ITGA3: variants seen among roughly 807,000 people sequenced by gnomAD.
ITGA3 encodes integrin alpha-3.
Under a neutral mutation model 131.1 loss-of-function variants are expected in ITGA3, and 70 were observed. The ratio of observed to expected loss-of-function variants is 0.53; its 90% CI spans 0.44 to 0.65. The LOEUF (loss-of-function observed/expected upper bound fraction) is 0.65, where lower values mean the gene tolerates loss of function less well. Ranked by LOEUF, ITGA3 falls within the 30% of genes least tolerant of loss-of-function variation. ITGA3 has a pLI of 0.00. For missense variants in ITGA3, 1,098 were observed against 1,388.6 expected (o/e 0.79, Z 3.33); for synonymous variants, 537 against 571.6 (o/e 0.94, Z 0.86).
rs908756176 is a variant in ITGA3 at position 50,056,179 on chromosome 17, G to A, written c.-261G>A. The A allele has an allele frequency of 1.5e-5, 6 of 406,406 alleles. No individual in the cohort carries two copies. The highest frequency in any genetic ancestry group is 6.3e-5 in the African/African-American group (3 of 47,800). The allele number at this position is 406,406 out of a possible 1,614,324, so 25.2% of individuals were successfully genotyped here. On this transcript the variant is annotated 5_prime_UTR_variant, in exon 1 of 26. Coordinates refer to ENST00000320031, the MANE Select transcript of ITGA3 (RefSeq NM_002204.4). This position sits in a 1 kb window ranked among gnomAD's most constrained non-coding sequence, Gnocchi z 5.6. ...GGGGCGCGGCCGGGACAAGCTGGGG[G>A]CCGGTTGCCCGGGGCAGGGACGGCG... is the stretch of plus-strand genomic sequence containing the variant.
In ITGA3 at chr17:50,072,299, A is replaced by G; in HGVS notation, c.1156+117A>G. On this transcript the variant is annotated intron_variant, in intron 7 of 25. Coordinates refer to ENST00000320031, the MANE Select transcript of ITGA3 (RefSeq NM_002204.4). ...TGACAGGGCCCACAGATGAGACAGG[A>G]TGGGGCCGGACCTGGGGAGCTCGCA... 2.1e-5 allele frequency: 19 copies of G among 915,668 alleles called. No homozygotes were observed. In the South Asian group the frequency reaches 2.8e-4, roughly 14 times the overall value. 56.7% of individuals were successfully genotyped at this position (915,668 alleles called of 1,614,324 possible).
rs1908886320 is a variant in ITGA3, at chr17:50,076,310, C to G, written c.1675-16C>G. The G allele has an allele frequency of 6.2e-7, 1 of 1,611,348 alleles. No homozygotes were observed. The highest frequency in any genetic ancestry group is 8.5e-7 in the Non-Finnish European group (1 of 1,178,672). On this transcript the variant is annotated splice_polypyrimidine_tract_variant and intron_variant, in intron 12 of 25. Coordinates refer to ENST00000320031, the MANE Select transcript of ITGA3 (RefSeq NM_002204.4). The stretch of plus-strand genomic sequence containing the variant: ...GAGCAGTGCAGGGCCGGGCTCAGCT[C>G]ACCCTCTCTCCCCAGGACAACCTCC...
At chr17:50,088,179 C>T (rs771423194) in intron 24 of ITGA3, 46 bp from the exon 25 acceptor site, 25 of 1,536,172 alleles carry the variant, frequency 1.6e-5, no homozygotes, top group Admixed American at 2.0e-5. Context: ...GTGAGGATAG[C>T]CCAGCGCCCC....
In ITGA3 at chr17:50,088,229, G is replaced by A. The variant is rs1909552606; in HGVS notation, c.3050G>A (p.Gly1017Asp). The A allele has an allele frequency of 1.9e-6, 3 of 1,561,300 alleles. No homozygotes were observed. The highest frequency in any genetic ancestry group is 2.6e-6 in the Non-Finnish European group (3 of 1,152,752). The change falls in exon 25 of 26, where the codon GGC becomes GAC. Residue 1017 changes from glycine to aspartate, a missense_variant. By Grantham distance (94) the Gly-to-Asp change is moderately conservative. Transcript: ENST00000320031. The part of the protein sequence containing the change: ...GLIILLLWKC[G>D]FFKRARTRAL... Reference sequence around the variant, plus strand: ...CCCACCTCCTCCCCTCCGCAGTGCGGCTTCTTCAAGCGAGCCCGCACTCGC... The same window carrying A: ...CCCACCTCCTCCCCTCCGCAGTGCGACTTCTTCAAGCGAGCCCGCACTCGC...
intron 10 of ITGA3, 46 bp from the exon 11 acceptor site, chr17:50,075,411 ACG>A (rs1321056220): frequency 6.3e-7 from 1 of 1,587,114 alleles, no homozygotes; most frequent in Admixed American, 1.7e-5. Context: ...TAGGGCCTGG[ACG>A]TGTGTGTCCC....
At chr17:50,076,223 T>TG (rs1027858995) in intron 12 of ITGA3, 103 bp from the exon 13 acceptor site, 4 of 1,227,794 alleles carry the variant, frequency 3.3e-6, no homozygotes, top group African/African-American at 2.0e-5. Flanking sequence ...GTTTTCAGGG[T>TG]GGGGGGCGGG....
intron 8 of ITGA3, 54 bp from the exon 9 acceptor site, chr17:50,074,090 C>A (rs1908765095): frequency 6.5e-7 from 1 of 1,548,142 alleles, no homozygotes; most frequent in Non-Finnish European, 8.9e-7. Flanking sequence ...TTCCCTGTAG[C>A]CCCCTGGGCC....
intron 15 of ITGA3, 55 bp downstream of exon 15, chr17:50,077,176 TC>T: frequency 6.7e-7 from 1 of 1,487,532 alleles, no homozygotes; most frequent in Non-Finnish European, 9.0e-7. Context: ...CGTCTTTGCA[TC>T]CCCATATCCA....
intron 1 of ITGA3, among the ~76,000 whole-genome samples, chr17:50,061,532 A>G (rs1908076313): frequency 7.3e-6 from 1 of 137,006 alleles, no homozygotes; most frequent in African/African-American, 3.0e-5. Context: ...CCTTAGTGTC[A>G]CTGTAGAAAA....
Position 50,068,211 on chromosome 17 carries a change from C to G in ITGA3, c.570C>G (p.Asp190Glu). ...ACGAGATGTGCAATAGCAACACAGA[C>G]TACCTGGAGACGGGCATGTGCCAGC... ...YHNEMCNSNT[D>E]YLETGMCQLG... The change falls in exon 4 of 26, where the codon GAC becomes GAG. Residue 190 changes from aspartate to glutamate, a missense_variant. Coordinates refer to ENST00000320031, the MANE Select transcript of ITGA3 (RefSeq NM_002204.4). 6.2e-7 allele frequency: 1 copy of G among 1,614,196 alleles called. No individual in the cohort carries two copies. The highest frequency in any genetic ancestry group is 1.1e-5 in the South Asian group (1 of 91,090).
chr17:50,087,733 C>G lies in ITGA3; in HGVS notation c.2920-11C>G. ...CTGACACAGGGCTGAGTCCTCCTCT[C>G]CCCGCTCCAGTTCTCTGTGGACATT... On this transcript the variant is annotated splice_polypyrimidine_tract_variant and intron_variant, in intron 23 of 25. Coordinates refer to ENST00000320031, the MANE Select transcript of ITGA3 (RefSeq NM_002204.4). 6.2e-7 allele frequency: 1 copy of G among 1,610,712 alleles called. No individual in the cohort carries two copies. Among genetic ancestry groups the G allele is most frequent in the Non-Finnish European group, 8.5e-7 (1 of 1,178,340 alleles).
At chr17:50,071,592 G>A (rs1476839523) in intron 6 of ITGA3, 74 bp downstream of exon 6, 5 of 1,342,446 alleles carry the variant, frequency 3.7e-6, no homozygotes, top group Non-Finnish European at 5.1e-6. Context: ...GCCAGGTGAG[G>A]GGAGTGGAGG....
At chr17:50,068,365 A>G in intron 4 of ITGA3, 60 bp downstream of exon 4, 1 of 1,580,616 alleles carries the variant, frequency 6.3e-7, no homozygotes, top group African/African-American at 1.3e-5. Context: ...ACCCCTAGTT[A>G]GCCACGGGGA....
chr17:50,057,815 C>T (rs1478214509), intron 1 of ITGA3, among the ~76,000 whole-genome samples: 2 of 152,190 alleles, frequency 1.3e-5, no homozygotes, highest in Non-Finnish European at 2.9e-5. Flanking sequence ...TTTAGAATGT[C>T]CAAAGTCCAA....
chr17:50,088,498 G>A, intron 25 of ITGA3, 132 bp downstream of exon 25: 1 of 586,566 alleles, frequency 1.7e-6, no homozygotes, highest in South Asian at 2.0e-5. Context: ...CCAAAGATCA[G>A]GTCACTCTGA....
intron 7 of ITGA3, among the ~76,000 whole-genome samples, chr17:50,072,674 A>G (rs1289193070): frequency 6.6e-6 from 1 of 152,106 alleles, no homozygotes; most frequent in Non-Finnish European, 1.5e-5. Flanking sequence ...ATGTGATATA[A>G]TAACTTTGTA....
Position 50,070,838 on chromosome 17 carries a change from G to A in ITGA3, c.665-6G>A. On this transcript the variant is annotated splice_polypyrimidine_tract_variant and splice_region_variant and intron_variant, in intron 4 of 25. Coordinates refer to ENST00000320031, the MANE Select transcript of ITGA3 (RefSeq NM_002204.4). ...CCCTACTCTCCCTCCCTCAATCCCT[G>A]TGAAGGAAACAGCTACATGATTCAG... The A allele has an allele frequency of 1.2e-6, 2 of 1,602,656 alleles. No homozygotes were observed. Among genetic ancestry groups the A allele is most frequent in the Admixed American group, 3.3e-5 (2 of 59,968 alleles).
chr17:50,070,644 CAAAAAAAAA>C (rs59600840), intron 4 of ITGA3, among the ~76,000 whole-genome samples, 191 bp from the exon 5 acceptor site: 32 of 69,466 alleles, frequency 4.6e-4, no homozygotes, highest in African/African-American at 1.2e-3. Flanking sequence ...AAGACTGTCT[CAAAAAAAAA>C]AAAAAAAAAA....
chr17:50,077,315 AC>A (rs1208383433), intron 15 of ITGA3, 63 bp from the exon 16 acceptor site: 1 of 1,464,498 alleles, frequency 6.8e-7, no homozygotes, highest in African/African-American at 1.4e-5. Flanking sequence ...ACCTTGCACC[AC>A]AGAGGAGGGA....
Sources: allele counts gnomAD v4.1 joint callset (sites outside exome capture counted in the v4.1 genomes callset), GRCh38; gene constraint gnomAD v4.1.1; non-coding constraint Gnocchi (gnomAD v3.1); transcripts MANE v1.5; gene names NCBI Gene and HGNC (gene_info 2026-07-23, HGNC 2026-07-21).